KCNN2: variants seen among roughly 807,000 people sequenced by gnomAD.
KCNN2 encodes small conductance calcium-activated potassium channel protein 2.
KCNN2 carries 24 observed loss-of-function variants against 55.5 expected under a neutral mutation model. The observed-to-expected ratio is 0.43, with a 90% CI of 0.31 to 0.61. The LOEUF is 0.61. KCNN2 is among the 20% of genes least tolerant of loss of function. The probability of loss-of-function intolerance (pLI) is 0.08; values close to 1 mark genes in which losing one functional copy is unlikely to be tolerated. For synonymous variants in KCNN2, 431 were observed against 336.1 expected, an observed-to-expected ratio of 1.28 and a Z score of -3.09; for missense variants, 754 against 853.6, an observed-to-expected ratio of 0.88 and a Z score of 1.45.
intron 1 of KCNN2, among the ~76,000 whole-genome samples, chr5:114,204,162 G>A (rs1753725702): frequency 6.6e-6 from 1 of 151,894 alleles, no homozygotes; most frequent in Non-Finnish European, 1.5e-5. Flanking sequence ...AATAAAAGTG[G>A]TAAGGAAAAT....
At chr5:114,231,911 T>C (rs571052793) in intron 2 of KCNN2, among the ~76,000 whole-genome samples, 1 of 151,126 alleles carries the variant, frequency 6.6e-6, no homozygotes, top group East Asian at 1.9e-4. Flanking sequence ...TAGACAGATC[T>C]GTGGGATAAT....
At chr5:114,338,611 C>T (rs1457765) in intron 2 of KCNN2, among the ~76,000 whole-genome samples, 46,697 of 152,126 alleles carry the variant, frequency 0.31, 7,430 homozygotes, top group Non-Finnish European at 0.35. Context: ...TATTCTACAT[C>T]ACCATATGGG....
intron 3 of KCNN2, among the ~76,000 whole-genome samples, chr5:114,458,957 A>G (rs181880617): frequency 6.6e-6 from 1 of 152,348 alleles, no homozygotes; most frequent in East Asian, 1.9e-4. Flanking sequence ...TGAGGGAGGC[A>G]GGAGCGCAGG....
At chr5:114,063,527 A>C (rs954531926) in intron 1 of KCNN2, among the ~76,000 whole-genome samples, 3 of 152,122 alleles carry the variant, frequency 2.0e-5, no homozygotes, top group African/African-American at 4.8e-5. Context: ...TTTCTAACAA[A>C]GGCTCCCAGG....
chr5:114,436,769 T>C (rs1333910636), intron 3 of KCNN2, among the ~76,000 whole-genome samples: 2 of 152,186 alleles, frequency 1.3e-5, no homozygotes, highest in Non-Finnish European at 2.9e-5. Flanking sequence ...TTTTCTAAAA[T>C]CTATAGAAGC....
At chr5:114,211,770 A>G (rs1049392207) in intron 1 of KCNN2, among the ~76,000 whole-genome samples, 1 of 152,100 alleles carries the variant, frequency 6.6e-6, no homozygotes, top group Non-Finnish European at 1.5e-5. Context: ...GCTATTTTCT[A>G]TATAGACAGA....
At chr5:114,202,583 A>AT (rs201896679) in intron 1 of KCNN2, among the ~76,000 whole-genome samples, 120 of 55,404 alleles carry the variant, frequency 2.2e-3, no homozygotes, top group African/African-American at 4.4e-3. Context: ...ATATATATAT[A>AT]TATTTTTTTT....
chr5:114,120,832 G>T (rs969514032), intron 1 of KCNN2, among the ~76,000 whole-genome samples: 3 of 152,194 alleles, frequency 2.0e-5, no homozygotes, highest in African/African-American at 7.2e-5. Flanking sequence ...CTGACACTTA[G>T]TTCCACTATG....
intron 4 of KCNN2, among the ~76,000 whole-genome samples, chr5:114,469,448 T>C (rs1761613431): frequency 6.6e-6 from 1 of 152,174 alleles, no homozygotes; most frequent in Admixed American, 6.6e-5. Flanking sequence ...GCTTAAGTTT[T>C]TTCTAAGAAG....
chr5:114,289,992 T>C (rs928284388), intron 2 of KCNN2, among the ~76,000 whole-genome samples: 3 of 152,194 alleles, frequency 2.0e-5, no homozygotes, highest in African/African-American at 7.2e-5. Context: ...AAAACACAAC[T>C]GTACTGTGTT....
rs183381339 is a variant in KCNN2, at chr5:114,293,640, G to A, written c.-184-67305G>A. Among the ~76,000 whole-genome samples, 521 of 152,220 alleles carry A rather than the reference G, an allele frequency of 3.4e-3. 7 individuals are homozygous for A. The highest frequency in any genetic ancestry group is 0.011 in the African/African-American group (452 of 41,530). On this transcript the variant is annotated intron_variant, in intron 2 of 10. Transcript: ENST00000512097. ...TGCATCAATGTTCTTCAAGGATATCGGTCTAAAATTCTCTTTTTTTGTTGT... is the reference window on the plus strand; with the variant it reads ...TGCATCAATGTTCTTCAAGGATATCAGTCTAAAATTCTCTTTTTTTGTTGT...
chr5:114,088,746 A>C (rs1030889995), intron 1 of KCNN2, among the ~76,000 whole-genome samples: 9 of 152,018 alleles, frequency 5.9e-5, no homozygotes, highest in African/African-American at 2.2e-4. Flanking sequence ...CAGCCTCCCA[A>C]GTAGCTGAGA....
chr5:114,470,729 C>T (rs1174043650), intron 4 of KCNN2, among the ~76,000 whole-genome samples: 3 of 152,190 alleles, frequency 2.0e-5, no homozygotes, highest in Non-Finnish European at 2.9e-5. Flanking sequence ...CTTCATAAGT[C>T]AGTCAAATGA....
At chr5:114,070,917 T>A (rs1027504080) in intron 1 of KCNN2, among the ~76,000 whole-genome samples, 1 of 152,210 alleles carries the variant, frequency 6.6e-6, no homozygotes, top group Non-Finnish European at 1.5e-5. Context: ...TTCCAGTCAT[T>A]CACTTACTTC....
At chr5:114,252,746 T>C (rs1295402813) in intron 2 of KCNN2, among the ~76,000 whole-genome samples, 1 of 149,316 alleles carries the variant, frequency 6.7e-6, no homozygotes, top group Non-Finnish European at 1.5e-5. Flanking sequence ...TGAGAAAGTT[T>C]GGTGTTTTCA....
At chr5:114,155,649 C>A (rs1016103289) in intron 1 of KCNN2, among the ~76,000 whole-genome samples, 1 of 152,106 alleles carries the variant, frequency 6.6e-6, no homozygotes, top group African/African-American at 2.4e-5. Flanking sequence ...CAATGTTGAG[C>A]TTTTATTATG....
chr5:114,249,466 T>C (rs1381652552), intron 2 of KCNN2, among the ~76,000 whole-genome samples: 1 of 151,858 alleles, frequency 6.6e-6, no homozygotes, highest in Non-Finnish European at 1.5e-5. Flanking sequence ...TTTGTATTTT[T>C]ACTAGAGATG....
intron 2 of KCNN2, among the ~76,000 whole-genome samples, chr5:114,294,129 T>C (rs1025306051): frequency 1.3e-5 from 2 of 152,140 alleles, no homozygotes; most frequent in Non-Finnish European, 2.9e-5. Context: ...TTTGTTGATC[T>C]TTTCAAAAAA....
intron 1 of KCNN2, among the ~76,000 whole-genome samples, chr5:114,069,358 C>T (rs529679891): frequency 1.3e-3 from 79 of 59,496 alleles, no homozygotes; most frequent in Middle Eastern, 8.2e-3. Context: ...TTTTGCCTCT[C>T]ATTTTTTATG....
Sources: allele counts gnomAD v4.1 joint callset (sites outside exome capture counted in the v4.1 genomes callset), GRCh38; gene constraint gnomAD v4.1.1; transcripts MANE v1.5; gene names NCBI Gene and HGNC (gene_info 2026-07-23, HGNC 2026-07-21).